The following FAT3 variants were observed in gnomAD, a reference collection of about 807,000 sequenced individuals.
FAT3 encodes the protein protocadherin Fat 3.
FAT3 carries 95 observed loss-of-function variants against 310.2 expected under a neutral mutation model. The observed-to-expected ratio is 0.31, with a 90% CI of 0.26 to 0.36. FAT3 has a LOEUF of 0.36. Among genes scored for constraint, FAT3 ranks in the 10% least tolerant of loss-of-function variants. FAT3 has a pLI of 1.00. For missense variants in FAT3, 5,408 were observed against 5,715.6 expected (o/e 0.95, Z 1.74); for synonymous variants, 2,314 against 2,192.9 (o/e 1.06, Z -1.54).
At chr11:92,832,887 G>C (rs921052475) in intron 14 of FAT3, among the ~76,000 whole-genome samples, 1 of 152,070 alleles carries the variant, frequency 6.6e-6, no homozygotes, top group African/African-American at 2.4e-5. Flanking sequence ...AGACTCCATC[G>C]GTGAGCTGGA....
In FAT3 at chr11:92,705,786, G is replaced by GTGA. The variant is rs1283337630; in HGVS notation, c.3669+8343_3669+8344insATG. ...TGGTGTGATGGTGGTGGTGATGGTG[G>GTGA]TGGTGTGATGGTGTTGGTGTTGGTG... is the stretch of plus-strand genomic sequence containing the variant. On this transcript the variant is annotated intron_variant, in intron 4 of 27. Transcript: ENST00000525166. Among the ~76,000 whole-genome samples the GTGA allele has an allele frequency of 8.8e-5, 12 of 135,786 alleles. 1 individual carries two copies. The highest frequency in any genetic ancestry group is 1.6e-4 in the Non-Finnish European group (10 of 63,736). 89.1% of individuals were successfully genotyped at this position (135,786 alleles called of 152,430 possible). A position where few individuals can be genotyped will look rare whatever the true frequency, so the allele number is the denominator to read the frequency against.
Position 92,831,960 on chromosome 11 carries a change from C to G in FAT3, c.9820C>G (p.Leu3274Val), listed in dbSNP as rs1242382474. 2 of 1,576,198 alleles carry G rather than the reference C, an allele frequency of 1.3e-6. No individual in the cohort carries two copies. Among genetic ancestry groups the G allele is most frequent in the African/African-American group, 2.7e-5 (2 of 74,348 alleles). Reference protein sequence around the residue: ...DIGTNAEITYLIRSGNEQGKF... With the variant: ...DIGTNAEITYVIRSGNEQGKF... ...TGGCACAAATGCTGAGATCACTTATCTCATCCGGTCTGGGAACGAACAAGG... is the reference window on the plus strand; with the variant it reads ...TGGCACAAATGCTGAGATCACTTATGTCATCCGGTCTGGGAACGAACAAGG... The change falls in exon 14 of 28, where the codon CTC becomes GTC. Residue 3274 changes from leucine to valine, a missense_variant. Coordinates refer to ENST00000525166, the MANE Select transcript of FAT3 (RefSeq NM_001367949.2).
intron 22 of FAT3, among the ~76,000 whole-genome samples, chr11:92,869,217 G>A (rs1378467000): frequency 6.6e-6 from 1 of 152,230 alleles, no homozygotes; most frequent in Non-Finnish European, 1.5e-5. Context: ...CCTTCTCACA[G>A]GCCTACTACC....
chr11:92,492,652 C>G (rs1952643188), intron 2 of FAT3, among the ~76,000 whole-genome samples: 1 of 151,946 alleles, frequency 6.6e-6, no homozygotes, highest in South Asian at 2.1e-4. Context: ...GGGAGCTTCC[C>G]CTCTCCAGCC....
At chr11:92,253,376 T>C (rs1865203014) in intron 1 of FAT3, among the ~76,000 whole-genome samples, 1 of 152,128 alleles carries the variant, frequency 6.6e-6, no homozygotes, top group African/African-American at 2.4e-5. Context: ...CTCCCCTTGC[T>C]CTTACCAATG....
At chr11:92,672,362 T>A (rs563020383) in intron 3 of FAT3, among the ~76,000 whole-genome samples, 40 of 152,232 alleles carry the variant, frequency 2.6e-4, no homozygotes, top group African/African-American at 9.1e-4. Flanking sequence ...GGCAGGAAAA[T>A]CTAGAAGAAA....
chr11:92,395,438 T>A (rs1949846972), intron 2 of FAT3, among the ~76,000 whole-genome samples: 1 of 152,202 alleles, frequency 6.6e-6, no homozygotes, highest in African/African-American at 2.4e-5. Context: ...AGGTCTTTCA[T>A]ACCAGCCTCA....
chr11:92,304,907 A>C (rs1408525958), intron 1 of FAT3, among the ~76,000 whole-genome samples: 4 of 152,132 alleles, frequency 2.6e-5, no homozygotes, highest in African/African-American at 9.6e-5. Context: ...GGGTCAGACC[A>C]ACCCAGGCAT....
chr11:92,770,714 G>T (rs1565580964), intron 6 of FAT3, among the ~76,000 whole-genome samples: 1 of 152,150 alleles, frequency 6.6e-6, no homozygotes. Flanking sequence ...CTCTAAAGGG[G>T]AAGCTGTGTG....
chr11:92,830,853 A>T (rs1948229074), intron 13 of FAT3, among the ~76,000 whole-genome samples: 1 of 151,976 alleles, frequency 6.6e-6, no homozygotes, highest in East Asian at 1.9e-4. Flanking sequence ...CACTCTCGCC[A>T]CCTCCAAGTT....
At chr11:92,871,113 G>T (rs1949378895) in intron 22 of FAT3, among the ~76,000 whole-genome samples, 1 of 152,178 alleles carries the variant, frequency 6.6e-6, no homozygotes, top group African/African-American at 2.4e-5. Context: ...CCATACCACT[G>T]CACTTCAGCC....
In FAT3 at chr11:92,265,312, C is replaced by T. The variant is rs189788026; in HGVS notation, c.-18+40138C>T. On this transcript the variant is annotated intron_variant, in intron 1 of 27. Coordinates refer to ENST00000525166, the MANE Select transcript of FAT3 (RefSeq NM_001367949.2). The stretch of plus-strand genomic sequence containing the variant: ...TTTTATATATCCTCTCCTTCTATTA[C>T]GCTGCCGTATGGTTTTTCTTCTCCC... Among the ~76,000 whole-genome samples the T allele has an allele frequency of 2.1e-3, 315 of 152,008 alleles. 3 individuals are homozygous for T. The highest frequency in any genetic ancestry group is 3.7e-3 in the Non-Finnish European group (253 of 67,978).
chr11:92,725,722 T>TACTA (rs1399442675), intron 4 of FAT3, among the ~76,000 whole-genome samples: 1 of 152,160 alleles, frequency 6.6e-6, no homozygotes, highest in Non-Finnish European at 1.5e-5. Flanking sequence ...CTTAGAAGCA[T>TACTA]ACTAACATCA....
chr11:92,374,749 A>G (rs1479514902), intron 2 of FAT3, among the ~76,000 whole-genome samples: 6 of 152,226 alleles, frequency 3.9e-5, no homozygotes, highest in Non-Finnish European at 8.8e-5. Flanking sequence ...CATAAGAGGA[A>G]AAACACTACC....
chr11:92,291,861 T>C (rs1946704831), intron 1 of FAT3, among the ~76,000 whole-genome samples: 1 of 152,086 alleles, frequency 6.6e-6, no homozygotes, highest in Admixed American at 6.6e-5. Context: ...TTGCCTTCCA[T>C]GTTCCTCTGG....
chr11:92,506,418 T>C (rs1191817005), intron 2 of FAT3, among the ~76,000 whole-genome samples: 1 of 152,154 alleles, frequency 6.6e-6, no homozygotes, highest in Non-Finnish European at 1.5e-5. Context: ...ACCATTCTCA[T>C]GCATTTTTGC....
chr11:92,552,277 T>C (rs968898165), intron 3 of FAT3, among the ~76,000 whole-genome samples: 5 of 152,130 alleles, frequency 3.3e-5, no homozygotes, highest in Admixed American at 1.3e-4. Context: ...ATTCTTTCTC[T>C]CTTAAAATAA....
At chr11:92,388,516 G>A (rs927047500) in intron 2 of FAT3, among the ~76,000 whole-genome samples, 7 of 152,270 alleles carry the variant, frequency 4.6e-5, no homozygotes, top group Middle Eastern at 3.4e-3. Context: ...CTAAAGTGAC[G>A]TATTTCAGAC....
intron 4 of FAT3, among the ~76,000 whole-genome samples, chr11:92,724,207 A>G (rs1308730331): frequency 6.6e-6 from 1 of 152,156 alleles, no homozygotes; most frequent in East Asian, 1.9e-4. Context: ...AGACCCACTC[A>G]CATGTCTGGC....
Sources: allele counts gnomAD v4.1 joint callset (sites outside exome capture counted in the v4.1 genomes callset), GRCh38; gene constraint gnomAD v4.1.1; transcripts MANE v1.5; gene names NCBI Gene and HGNC (gene_info 2026-07-23, HGNC 2026-07-21).